Variants in PIEZO2 observed in about 807,000 individuals in gnomAD.
PIEZO2 encodes piezo type mechanosensitive ion channel component 2, also known as piezo-type mechanosensitive ion channel component 2.
PIEZO2 carries 172 observed loss-of-function variants against 337.3 expected under a neutral mutation model. That is an observed-to-expected ratio of 0.51 (90% CI 0.45 to 0.58). The LOEUF (loss-of-function observed/expected upper bound fraction) is 0.58, where lower values mean the gene tolerates loss of function less well. Among genes scored for constraint, PIEZO2 ranks in the 20% least tolerant of loss-of-function variants. The pLI, the probability that PIEZO2 is intolerant of heterozygous loss-of-function variation, is 0.00. For synonymous variants in PIEZO2, 1,251 were observed against 1,228.5 expected, an observed-to-expected ratio of 1.02 and a Z score of -0.38; for missense variants, 3,028 against 3,391.3, an observed-to-expected ratio of 0.89 and a Z score of 2.66.
intron 3 of PIEZO2, among the ~76,000 whole-genome samples, chr18:10,931,356 C>G (rs2032073024): frequency 6.6e-6 from 1 of 152,072 alleles, no homozygotes; most frequent in Non-Finnish European, 1.5e-5. Flanking sequence ...CCTGCCACCA[C>G]GCCCAGCTAA....
intron 47 of PIEZO2, among the ~76,000 whole-genome samples, chr18:10,691,635 A>G (rs2034831858): frequency 6.6e-6 from 1 of 151,786 alleles, no homozygotes. Context: ...CATAATTAAA[A>G]TAAATTATTA....
Position 11,001,905 on chromosome 18 carries a change from A to AGAAGGAAGGAAG in PIEZO2, c.161-22257_161-22246dup, listed in dbSNP as rs56275136. ...AAAAGGAGAAAAAGGGAAGGAAGGA[A>AGAAGGAAGGAAG]GAAGGAAGGAAGGAAGGAAGGAAGG... On this transcript the variant is annotated intron_variant, in intron 2 of 55. Coordinates refer to ENST00000674853, the MANE Select transcript of PIEZO2 (RefSeq NM_001378183.1). The surrounding 1 kb of genome is among the most constrained non-coding windows in gnomAD (Gnocchi z 5.3). Among the ~76,000 whole-genome samples the AGAAGGAAGGAAG allele has an allele frequency of 0.12, 16,533 of 139,078 alleles. 1,076 individuals carry two copies. The highest frequency in any genetic ancestry group is 0.18 in the East Asian group (831 of 4,514). The allele number at this position is 139,078 out of a possible 152,430, so 91.2% of individuals were successfully genotyped here. A position where few individuals can be genotyped will look rare whatever the true frequency, so the allele number is the denominator to read the frequency against.
intron 4 of PIEZO2, among the ~76,000 whole-genome samples, chr18:10,876,580 C>T (rs2042275235): frequency 1.3e-5 from 2 of 152,152 alleles, no homozygotes; most frequent in South Asian, 4.1e-4. Flanking sequence ...CTCATCTAAT[C>T]ACCCAACTAC....
intron 7 of PIEZO2, among the ~76,000 whole-genome samples, chr18:10,827,895 T>C (rs972092860): frequency 1.1e-4 from 17 of 152,200 alleles, no homozygotes; most frequent in African/African-American, 4.1e-4. Context: ...TATTTTACTA[T>C]TGTTTTCTTC....
At chr18:11,086,481 T>G (rs1399466231) in intron 1 of PIEZO2, among the ~76,000 whole-genome samples, 1 of 148,940 alleles carries the variant, frequency 6.7e-6, no homozygotes, top group Non-Finnish European at 1.5e-5. Flanking sequence ...ATCCCGCCAC[T>G]GCACTCCAGC....
intron 7 of PIEZO2, among the ~76,000 whole-genome samples, chr18:10,844,176 T>C (rs1442922053): frequency 6.6e-6 from 1 of 152,122 alleles, no homozygotes; most frequent in East Asian, 1.9e-4. Context: ...CCCAGCACTT[T>C]GGGAGGCCAA....
chr18:10,734,645 A>T (rs146586549), intron 35 of PIEZO2, among the ~76,000 whole-genome samples: 1 of 152,224 alleles, frequency 6.6e-6, no homozygotes, highest in South Asian at 2.1e-4. Flanking sequence ...TCAACTGTGC[A>T]TTAGGTTAAT....
In PIEZO2 at chr18:10,673,997, G is replaced by A. The variant is rs1462500479; in HGVS notation, c.8162-1124C>T. Reference sequence around the variant, plus strand: ...TCAACACTGTCCTAGGCCACATGCAGCCCATGGGCTGCAGGTTGGAAAAGC... The same window carrying A: ...TCAACACTGTCCTAGGCCACATGCAACCCATGGGCTGCAGGTTGGAAAAGC... On this transcript the variant is annotated intron_variant, in intron 54 of 55. Coordinates refer to ENST00000674853, the MANE Select transcript of PIEZO2 (RefSeq NM_001378183.1). The surrounding 1 kb of genome is among the most constrained non-coding windows in gnomAD (Gnocchi z 4.8). Among the ~76,000 whole-genome samples, 1 of 152,178 alleles carries A rather than the reference G, an allele frequency of 6.6e-6. No homozygotes were observed. The highest frequency in any genetic ancestry group is 2.4e-5 in the African/African-American group (1 of 41,450).
At chr18:10,885,402 C>T (rs532720721) in intron 4 of PIEZO2, among the ~76,000 whole-genome samples, 94 of 152,062 alleles carry the variant, frequency 6.2e-4, no homozygotes, top group African/African-American at 2.1e-3. Context: ...CCAGCCTGGA[C>T]GACAGAGCGA....
chr18:10,981,046 C>G (rs572655138), intron 2 of PIEZO2, among the ~76,000 whole-genome samples: 1 of 152,248 alleles, frequency 6.6e-6, no homozygotes, highest in South Asian at 2.1e-4. Context: ...CTCTTCCTGA[C>G]AGCCTGCACT....
At chr18:10,790,182 G>C (rs991860751) in intron 14 of PIEZO2, among the ~76,000 whole-genome samples, 14 of 152,106 alleles carry the variant, frequency 9.2e-5, no homozygotes, top group African/African-American at 3.4e-4. Flanking sequence ...GGCAAGATTT[G>C]AATCTTATAG....
intron 2 of PIEZO2, among the ~76,000 whole-genome samples, chr18:11,020,491 A>C (rs567285555): frequency 6.6e-6 from 1 of 152,258 alleles, no homozygotes. Context: ...TTTTCCTGTC[A>C]ATACCTGGCA....
At chr18:10,814,455 C>T (rs1205492707) in intron 7 of PIEZO2, among the ~76,000 whole-genome samples, 1 of 152,152 alleles carries the variant, frequency 6.6e-6, no homozygotes, top group Non-Finnish European at 1.5e-5. Flanking sequence ...ACCCCACATC[C>T]TTTAATTGAA....
rs894527543 is a variant in PIEZO2, at chr18:11,116,348, G to T, written c.64+32177C>A. Among the ~76,000 whole-genome samples the T allele has an allele frequency of 6.6e-6, 1 of 152,180 alleles. No individual in the cohort carries two copies. The highest frequency in any genetic ancestry group is 2.4e-5 in the African/African-American group (1 of 41,448). ...AGAATATGTGCAAGGGGCTCTTGAG[G>T]AGGAAGCTGCCCAACGGTGTGAAAA... On this transcript the variant is annotated intron_variant, in intron 1 of 55. Coordinates refer to ENST00000674853, the MANE Select transcript of PIEZO2 (RefSeq NM_001378183.1). The surrounding 1 kb of genome is among the most constrained non-coding windows in gnomAD (Gnocchi z 5.0).
Position 10,859,233 on chromosome 18 carries a change from T to C in PIEZO2, c.493-2022A>G, listed in dbSNP as rs1313583604. On this transcript the variant is annotated intron_variant, in intron 5 of 55. Coordinates refer to ENST00000674853, the MANE Select transcript of PIEZO2 (RefSeq NM_001378183.1). This position sits in a 1 kb window ranked among gnomAD's most constrained non-coding sequence, Gnocchi z 4.9. ...GTGCATTCCGGGTGGAGGAAAGAGC[T>C]GGTCCAAGGCTTGGTGGCATGTGCA... Among the ~76,000 whole-genome samples, 1 of 152,178 alleles carries C rather than the reference T, an allele frequency of 6.6e-6. No homozygotes were observed. The highest frequency in any genetic ancestry group is 2.4e-5 in the African/African-American group (1 of 41,454).
In PIEZO2 at chr18:11,021,423, C is replaced by T. The variant is rs1007322376; in HGVS notation, c.161-41763G>A. Among the ~76,000 whole-genome samples, 1 of 151,918 alleles carries T rather than the reference C, an allele frequency of 6.6e-6. No individual in the cohort carries two copies. Among genetic ancestry groups the T allele is most frequent in the African/African-American group, 2.4e-5 (1 of 41,366 alleles). ...CCATGCAACCTGCGTGTGTCTGAAACAATGTTTCCTTCTCTCCTCCTCCCC... is the reference window on the plus strand; with the variant it reads ...CCATGCAACCTGCGTGTGTCTGAAATAATGTTTCCTTCTCTCCTCCTCCCC... On this transcript the variant is annotated intron_variant, in intron 2 of 55. Transcript: ENST00000674853. This position sits in a 1 kb window ranked among gnomAD's most constrained non-coding sequence, Gnocchi z 4.7.
At chr18:10,844,233 A>T (rs1208749321) in intron 7 of PIEZO2, among the ~76,000 whole-genome samples, 1 of 151,988 alleles carries the variant, frequency 6.6e-6, no homozygotes, top group Non-Finnish European at 1.5e-5. Flanking sequence ...AGCCTGGCCA[A>T]CATGGCGAAG....
chr18:11,085,742 C>G lies in PIEZO2; in HGVS notation c.65-19520G>C, dbSNP rs559014127. ...CGTTAACTGGAAGCTAAATATGGAA[C>G]ACCAGATATCACTATGAAAATATAG... is the stretch of plus-strand genomic sequence containing the variant. On this transcript the variant is annotated intron_variant, in intron 1 of 55. Coordinates refer to ENST00000674853, the MANE Select transcript of PIEZO2 (RefSeq NM_001378183.1). Among the ~76,000 whole-genome samples the G allele has an allele frequency of 7.3e-4, 111 of 151,578 alleles. 1 individual carries two copies. The highest frequency in any genetic ancestry group is 6.8e-3 in the Middle Eastern group (2 of 292).
chr18:11,004,752 C>G (rs2035662206), intron 2 of PIEZO2, among the ~76,000 whole-genome samples: 1 of 152,186 alleles, frequency 6.6e-6, no homozygotes. Context: ...AAGCATCCTA[C>G]AAAAATGTGT....
Sources: gnomAD v4.1 joint callset for allele counts (sites outside exome capture counted in the v4.1 genomes callset) on GRCh38, gnomAD v4.1.1 for gene constraint, Gnocchi (gnomAD v3.1) non-coding constraint, MANE v1.5 for transcripts, NCBI Gene and HGNC (gene_info 2026-07-23, HGNC 2026-07-21) for gene names.